The following GRIK4 variants were observed in gnomAD, a reference collection of about 807,000 sequenced individuals.
GRIK4 encodes glutamate ionotropic receptor kainate type subunit 4, also known as glutamate receptor ionotropic, kainate 4.
GRIK4 carries 40 observed loss-of-function variants against 104.9 expected under a neutral mutation model. That is an observed-to-expected ratio of 0.38 (90% confidence interval 0.30 to 0.50). The LOEUF (loss-of-function observed/expected upper bound fraction) is 0.50. Ranked by LOEUF, GRIK4 falls within the 20% of genes least tolerant of loss-of-function variation. GRIK4 has a pLI of 0.93. For synonymous variants in GRIK4, 485 were observed against 524.9 expected (o/e 0.92, Z 1.04); for missense variants, 1,047 against 1,308.1 (o/e 0.80, Z 3.08).
chr11:120,726,477 T>A (rs58086388), intron 3 of GRIK4, among the ~76,000 whole-genome samples: 1 of 152,144 alleles, frequency 6.6e-6, no homozygotes, highest in African/African-American at 2.4e-5. Context: ...GAATTAGAGA[T>A]GTATTTTGGA....
At chr11:120,846,940 C>T (rs555704594) in intron 8 of GRIK4, among the ~76,000 whole-genome samples, 1 of 152,168 alleles carries the variant, frequency 6.6e-6, no homozygotes, top group Non-Finnish European at 1.5e-5. Context: ...GTCCAGATCC[C>T]CCAGAGTGGG....
intron 3 of GRIK4, among the ~76,000 whole-genome samples, chr11:120,739,886 C>G (rs1232197636): frequency 6.6e-6 from 1 of 152,196 alleles, no homozygotes; most frequent in East Asian, 1.9e-4. Context: ...TTTGTGGCTC[C>G]AAACAGAGTC....
At chr11:120,946,345 C>A (rs1943860626) in intron 14 of GRIK4, among the ~76,000 whole-genome samples, 1 of 152,156 alleles carries the variant, frequency 6.6e-6, no homozygotes, top group Non-Finnish European at 1.5e-5. Flanking sequence ...ATAGAACCCC[C>A]ACATGAATAA....
intron 1 of GRIK4, among the ~76,000 whole-genome samples, chr11:120,550,342 T>TGGGGTGAGTTG (rs1948127044): frequency 9.9e-5 from 1 of 10,098 alleles, no homozygotes; most frequent in African/African-American, 1.3e-4. Flanking sequence ...CAGGGGTTGG[T>TGGGGTGAGTTG]GGGGGTGGGG....
At chr11:120,924,564 ACCCC>A (rs59033293) in intron 13 of GRIK4, among the ~76,000 whole-genome samples, 58,317 of 151,520 alleles carry the variant, frequency 0.38, 12,726 homozygotes, top group African/African-American at 0.59. Flanking sequence ...CATCCTGAAG[ACCCC>A]CTTGTCCCCA....
chr11:120,701,051 T>C (rs1430523460), intron 3 of GRIK4, among the ~76,000 whole-genome samples: 1 of 152,240 alleles, frequency 6.6e-6, no homozygotes, highest in Non-Finnish European at 1.5e-5. Flanking sequence ...AGCCTAGGTG[T>C]AGGAGGCTAT....
intron 3 of GRIK4, among the ~76,000 whole-genome samples, chr11:120,675,514 C>T (rs10892604): frequency 0.16 from 23,703 of 152,170 alleles, 2,008 homozygotes; most frequent in South Asian, 0.23. Flanking sequence ...ATTGAGAGGA[C>T]ACAGGTGAAG....
intron 3 of GRIK4, among the ~76,000 whole-genome samples, chr11:120,670,887 G>C (rs944115189): frequency 1.3e-5 from 2 of 151,596 alleles, no homozygotes; most frequent in African/African-American, 4.9e-5. Flanking sequence ...CCCAGTGTCT[G>C]ATGTTCCCCT....
At chr11:120,627,171 G>A (rs1195716091) in intron 1 of GRIK4, among the ~76,000 whole-genome samples, 1 of 152,240 alleles carries the variant, frequency 6.6e-6, no homozygotes, top group African/African-American at 2.4e-5. Flanking sequence ...GCTCAGCACA[G>A]AGTAGGAATT....
rs569525324 is a variant in GRIK4 at position 120,625,005 on chromosome 11, C to T, written c.-158-28680C>T. On this transcript the variant is annotated intron_variant, in intron 1 of 20. Coordinates refer to ENST00000527524, the MANE Select transcript of GRIK4 (RefSeq NM_014619.5). ...AACATGTAAAAATAAGACTTAAGGC[C>T]GGGCGCGGTGGCTCACGCCTGTAAT... 1.7e-3 allele frequency among the ~76,000 whole-genome samples: 259 copies of T among 152,228 alleles called. 3 individuals carry two copies. The highest frequency in any genetic ancestry group is 2.2e-3 in the Non-Finnish European group (151 of 68,030).
At chr11:120,617,049 T>TG (rs1949126458) in intron 1 of GRIK4, among the ~76,000 whole-genome samples, 1 of 152,194 alleles carries the variant, frequency 6.6e-6, no homozygotes, top group Admixed American at 6.5e-5. Context: ...GGGGTTCTCC[T>TG]GGGGAACCTT....
At chr11:120,616,553 C>T (rs575313329) in intron 1 of GRIK4, among the ~76,000 whole-genome samples, 5 of 152,304 alleles carry the variant, frequency 3.3e-5, no homozygotes, top group African/African-American at 1.2e-4. Context: ...AGGAAGTTGG[C>T]CCTACAATGC....
intron 3 of GRIK4, among the ~76,000 whole-genome samples, chr11:120,755,417 G>C (rs1479531521): frequency 6.6e-6 from 1 of 152,096 alleles, no homozygotes; most frequent in East Asian, 1.9e-4. Flanking sequence ...ATGAGCCTGG[G>C]CAACCTAGTG....
chr11:120,835,761 A>G (rs1953559360), intron 7 of GRIK4, among the ~76,000 whole-genome samples: 1 of 151,926 alleles, frequency 6.6e-6, no homozygotes, highest in Non-Finnish European at 1.5e-5. Context: ...GGGGCTCATT[A>G]TTTTCCTGAT....
At chr11:120,823,929 C>T (rs957943185) in intron 6 of GRIK4, among the ~76,000 whole-genome samples, 14 of 152,134 alleles carry the variant, frequency 9.2e-5, no homozygotes, top group Non-Finnish European at 1.8e-4. Context: ...AGCAGAAGTT[C>T]AAGGGCACAG....
At chr11:120,761,091 A>G (rs1951741194) in intron 3 of GRIK4, among the ~76,000 whole-genome samples, 1 of 152,160 alleles carries the variant, frequency 6.6e-6, no homozygotes. Context: ...CTATTTCTCC[A>G]CATCCTCTCC....
intron 1 of GRIK4, among the ~76,000 whole-genome samples, chr11:120,523,043 G>A (rs564754623): frequency 6.6e-6 from 1 of 151,736 alleles, no homozygotes; most frequent in African/African-American, 2.4e-5. Flanking sequence ...GGAGCCTGAG[G>A]ACTAGGAGAA....
chr11:120,917,269 A>AAAAAGAAAG (rs1463389337), intron 13 of GRIK4, among the ~76,000 whole-genome samples: 150 of 138,304 alleles, frequency 1.1e-3, no homozygotes, highest in African/African-American at 4.2e-3. Context: ...AAAAAAAAAA[A>AAAAAGAAAG]AAAGAAAGAA....
At chr11:120,935,792 C>A (rs2134626158) in intron 13 of GRIK4, among the ~76,000 whole-genome samples, 1 of 152,270 alleles carries the variant, frequency 6.6e-6, no homozygotes, top group African/African-American at 2.4e-5. Context: ...TGCCAACTTA[C>A]AACCCCATAC....
Sources: allele counts gnomAD v4.1 joint callset (sites outside exome capture counted in the v4.1 genomes callset), GRCh38; gene constraint gnomAD v4.1.1; transcripts MANE v1.5; gene names NCBI Gene and HGNC (gene_info 2026-07-23, HGNC 2026-07-21).